The following DCHS2 variants were observed in gnomAD, a reference collection of about 807,000 sequenced individuals.
The protein encoded by DCHS2 is dachsous cadherin-related 2.
A neutral mutation model predicts 182.4 loss-of-function variants in DCHS2; 142 were observed. That is an observed-to-expected ratio of 0.78 (90% CI 0.68 to 0.89). The LOEUF (loss-of-function observed/expected upper bound fraction) is 0.89. Among genes scored for constraint, DCHS2 ranks in the 40% least tolerant of loss-of-function variants. DCHS2 has a pLI of 0.00. For synonymous variants in DCHS2, 1,740 were observed against 1,663.3 expected (o/e 1.05, Z -1.12); for missense variants, 4,319 against 4,198.6 (o/e 1.03, Z -0.79).
At position 154,491,629 on chromosome 4, in the gene DCHS2, CTT is replaced by C. The variant is rs1560791981; in HGVS notation, c.-276_-275del. 6.1e-6 allele frequency: 8 copies of C among 1,313,290 alleles called. No homozygotes were observed. 81.4% of individuals were successfully genotyped at this position (1,313,290 alleles called of 1,614,324 possible). On this transcript the variant is annotated 5_prime_UTR_variant, in exon 1 of 20. The change abolishes the stop of an existing upstream ORF in the 5' untranslated region. Transcript: ENST00000357232. ...GGATTTCTTTAAACGAATCTCATCTCTTTTTCTCTCTCCTTTTATTCCCTTTA... is the reference window on the plus strand; with the variant it reads ...GGATTTCTTTAAACGAATCTCATCTCTTTCTCTCTCCTTTTATTCCCTTTA...
chr4:154,328,988 T>G (rs1736403951), intron 6 of DCHS2, among the ~76,000 whole-genome samples: 1 of 152,222 alleles, frequency 6.6e-6, no homozygotes, highest in African/African-American at 2.4e-5. Flanking sequence ...ACTGATATTC[T>G]AATTTATTAT....
chr4:154,329,568 C>T lies in DCHS2; in HGVS notation c.3873G>A (p.Arg1291=), dbSNP rs1284050294. 12 of 1,613,594 alleles carry T rather than the reference C, an allele frequency of 7.4e-6. No homozygotes were observed. The highest frequency in any genetic ancestry group is 4.5e-5 in the East Asian group (2 of 44,890). The change falls in exon 6 of 20, where the codon AGG becomes AGA. Residue 1291 remains arginine, a synonymous_variant. Coordinates refer to ENST00000357232, the MANE Select transcript of DCHS2 (RefSeq NM_001358235.2). The stretch of plus-strand genomic sequence containing the variant: ...CAGGGAGACACTGGGGGAAGAAGGG[C>T]CTGTTATCATTGATGTCAGTAACTG... ...YVSVTDINDN[R]PFFPQCLPGK... is the part of the protein sequence containing the mutation.
chr4:154,369,153 A>G (rs1392208567), intron 2 of DCHS2, among the ~76,000 whole-genome samples: 1 of 152,200 alleles, frequency 6.6e-6, no homozygotes, highest in African/African-American at 2.4e-5. Context: ...ATGAAATGAC[A>G]AGATCAAATC....
chr4:154,255,638 G>A lies in DCHS2; in HGVS notation c.6822C>T (p.Asn2274=), dbSNP rs200803727. 1,478 of 1,613,708 alleles carry A rather than the reference G, an allele frequency of 9.2e-4. 21 individuals are homozygous for A. In the South Asian group the frequency reaches 0.015, roughly 16 times the overall value. The part of the protein sequence containing the change: ...VFATDLDSGL[N]GLIEYSILSG... ...ACAGAATAGAATACTCAATCAGGCCGTTCAAACCACTGTCCAAGTCGGTAG... is the reference window on the plus strand; with the variant it reads ...ACAGAATAGAATACTCAATCAGGCCATTCAAACCACTGTCCAAGTCGGTAG... The change falls in exon 16 of 20, where the codon AAC becomes AAT. Residue 2274 remains asparagine (N), a synonymous_variant. Coordinates refer to ENST00000357232, the MANE Select transcript of DCHS2 (RefSeq NM_001358235.2).
At chr4:154,421,373 G>GTTAATTTAATTTAAT (rs60585355) in intron 1 of DCHS2, among the ~76,000 whole-genome samples, 3,574 of 149,034 alleles carry the variant, frequency 0.024, 59 homozygotes, top group South Asian at 0.035. Flanking sequence ...TCTCATCTGT[G>GTTAATTTAATTTAAT]TTAATTTAAT....
intron 1 of DCHS2, among the ~76,000 whole-genome samples, chr4:154,426,793 T>TAAAAATAAAAATAAAAATA (rs375729740): frequency 9.6e-5 from 14 of 145,560 alleles, no homozygotes; most frequent in Non-Finnish European, 2.0e-4. Flanking sequence ...AACTTAAAAA[T>TAAAAATAAAAATAAAAATA]AAAATAAAAT....
At chr4:154,362,280 G>A (rs983347757) in intron 3 of DCHS2, among the ~76,000 whole-genome samples, 2 of 152,138 alleles carry the variant, frequency 1.3e-5, no homozygotes, top group Admixed American at 6.6e-5. Context: ...TTGAGGAAAC[G>A]TGGGGATAGG....
chr4:154,460,230 T>G (rs891122864), intron 1 of DCHS2, among the ~76,000 whole-genome samples: 2 of 152,232 alleles, frequency 1.3e-5, no homozygotes, highest in Non-Finnish European at 2.9e-5. Flanking sequence ...TATACTGCTA[T>G]GTAAATGCTA....
intron 2 of DCHS2, 44 bp from the exon 3 acceptor site, chr4:154,366,485 A>G: frequency 2.3e-6 from 3 of 1,295,886 alleles, no homozygotes; most frequent in Non-Finnish European, 3.3e-6. Flanking sequence ...TTTTTGCTGA[A>G]CACTAGGATG....
intron 13 of DCHS2, among the ~76,000 whole-genome samples, chr4:154,297,171 C>T (rs1186569651): frequency 1.3e-5 from 2 of 152,186 alleles, no homozygotes; most frequent in South Asian, 2.1e-4. Context: ...CCTGCTGACC[C>T]AGGTGTGGAT....
intron 3 of DCHS2, among the ~76,000 whole-genome samples, chr4:154,341,772 C>A (rs1297385364): frequency 6.6e-6 from 1 of 152,140 alleles, no homozygotes; most frequent in African/African-American, 2.4e-5. Context: ...GTTTTCTGTG[C>A]GTATCCATAG....
chr4:154,476,988 T>C (rs907839714), intron 1 of DCHS2, among the ~76,000 whole-genome samples: 1 of 152,078 alleles, frequency 6.6e-6, no homozygotes, highest in Non-Finnish European at 1.5e-5. Flanking sequence ...GGGAGACTCA[T>C]GACAGAGAGG....
At chr4:154,271,982 A>G (rs776100498) in intron 13 of DCHS2, among the ~76,000 whole-genome samples, 8 of 152,126 alleles carry the variant, frequency 5.3e-5, no homozygotes, top group East Asian at 1.9e-4. Flanking sequence ...TCTGCTTTCT[A>G]TAAGTCTACA....
intron 16 of DCHS2, among the ~76,000 whole-genome samples, chr4:154,254,125 T>G (rs1732527913): frequency 6.6e-6 from 1 of 152,130 alleles, no homozygotes; most frequent in Non-Finnish European, 1.5e-5. Context: ...AGGAGGTGCT[T>G]GCGAGGATTA....
At chr4:154,263,647 C>G (rs925983050) in intron 14 of DCHS2, among the ~76,000 whole-genome samples, 1 of 148,780 alleles carries the variant, frequency 6.7e-6, no homozygotes, top group African/African-American at 2.5e-5. Flanking sequence ...AAGCTGGAAA[C>G]CTAAAGGCTG....
At chr4:154,362,204 C>T (rs1312393334) in intron 3 of DCHS2, among the ~76,000 whole-genome samples, 1 of 152,080 alleles carries the variant, frequency 6.6e-6, no homozygotes, top group African/African-American at 2.4e-5. Context: ...AATCCAGAGA[C>T]AAAGGGAGGT....
intron 2 of DCHS2, among the ~76,000 whole-genome samples, chr4:154,372,567 A>T (rs757727899): frequency 6.6e-6 from 1 of 152,210 alleles, no homozygotes; most frequent in African/African-American, 2.4e-5. Flanking sequence ...GTAACAAAAA[A>T]TAGAGATAGA....
intron 13 of DCHS2, among the ~76,000 whole-genome samples, chr4:154,281,505 C>T (rs1472368262): frequency 6.6e-6 from 1 of 151,964 alleles, no homozygotes; most frequent in Non-Finnish European, 1.5e-5. Flanking sequence ...TTGAAAATTT[C>T]AAAACATTAC....
intron 13 of DCHS2, among the ~76,000 whole-genome samples, chr4:154,271,475 T>A (rs1409867637): frequency 6.6e-6 from 1 of 152,106 alleles, no homozygotes; most frequent in Non-Finnish European, 1.5e-5. Flanking sequence ...CAGGAAGCAA[T>A]GAAGAAATGC....
Sources: gnomAD v4.1 joint callset for allele counts (sites outside exome capture counted in the v4.1 genomes callset) on GRCh38, gnomAD v4.1.1 for gene constraint, MANE v1.5 for transcripts, NCBI Gene and HGNC (gene_info 2026-07-23, HGNC 2026-07-21) for gene names.